SEPTIN14: variants seen among roughly 807,000 people sequenced by gnomAD.
The protein encoded by SEPTIN14 is septin 14, also known as septin-14.
Under a neutral mutation model 53.6 loss-of-function variants are expected in SEPTIN14, and 40 were observed. The observed-to-expected ratio is 0.75, with a 90% CI of 0.58 to 0.97. The LOEUF (loss-of-function observed/expected upper bound fraction) is 0.97. Among genes scored for constraint, SEPTIN14 ranks in the 50% least tolerant of loss-of-function variants. SEPTIN14 has a pLI of 0.00. For synonymous variants in SEPTIN14, 138 were observed against 166.8 expected (o/e 0.83, Z 1.33); for missense variants, 471 against 508.2 (o/e 0.93, Z 0.70).
At chr7:55,842,169 T>G (rs1789323098) in intron 5 of SEPTIN14, among the ~76,000 whole-genome samples, 1 of 152,216 alleles carries the variant, frequency 6.6e-6, no homozygotes, top group Admixed American at 6.5e-5. Context: ...ATAGCCTAGA[T>G]GTGTAGTAGG....
At chr7:55,802,022 C>T (rs374386440) in intron 9 of SEPTIN14, among the ~76,000 whole-genome samples, 18 of 137,600 alleles carry the variant, frequency 1.3e-4, no homozygotes, top group African/African-American at 4.6e-4. Flanking sequence ...TTCTATGAGA[C>T]GGAGTCTTGC....
chr7:55,836,645 G>A (rs945237911), intron 5 of SEPTIN14, among the ~76,000 whole-genome samples: 11 of 152,214 alleles, frequency 7.2e-5, no homozygotes, highest in African/African-American at 1.9e-4. Context: ...GGCTGAGGCA[G>A]GAGAATCGCT....
chr7:55,857,799 G>C (rs912410088), intron 2 of SEPTIN14, among the ~76,000 whole-genome samples: 2 of 151,192 alleles, frequency 1.3e-5, no homozygotes, highest in African/African-American at 2.5e-5. Flanking sequence ...GTGTTAGCCA[G>C]GATGGTCTCG....
intron 2 of SEPTIN14, among the ~76,000 whole-genome samples, chr7:55,847,246 A>G (rs1789430927): frequency 6.6e-6 from 1 of 152,094 alleles, no homozygotes; most frequent in Non-Finnish European, 1.5e-5. Flanking sequence ...AATTAAGGAA[A>G]TACTACAAGA....
In SEPTIN14 at chr7:55,795,862, AG is replaced by A; in HGVS notation, c.*50del. 2 of 1,274,774 alleles carry A rather than the reference AG, an allele frequency of 1.6e-6. No individual in the cohort carries two copies. Among genetic ancestry groups the A allele is most frequent in the Non-Finnish European group, 2.2e-6 (2 of 893,542 alleles). The allele number at this position is 1,274,774 out of a possible 1,614,324, so 79.0% of individuals were successfully genotyped here. On this transcript the variant is annotated 3_prime_UTR_variant, in exon 10 of 10. Transcript: ENST00000388975. ...TTAAATGCTACAAAGACAATCTCAC[AG>A]GAAGTTGCGATGTAGAATGATAGGG...
intron 2 of SEPTIN14, among the ~76,000 whole-genome samples, chr7:55,852,851 A>G (rs1006920602): frequency 1.3e-5 from 2 of 152,214 alleles, no homozygotes; most frequent in Non-Finnish European, 1.5e-5. Flanking sequence ...GAAAAAATCT[A>G]ATAATCCAAT....
intron 7 of SEPTIN14, among the ~76,000 whole-genome samples, chr7:55,818,131 A>G (rs10265539): frequency 0.029 from 4,417 of 152,246 alleles, 231 homozygotes; most frequent in African/African-American, 0.1. Context: ...TTAAGTTTTA[A>G]GTATGCTTAA....
intron 5 of SEPTIN14, among the ~76,000 whole-genome samples, chr7:55,842,681 G>A (rs1789333233): frequency 6.6e-6 from 1 of 151,610 alleles, no homozygotes; most frequent in Admixed American, 6.6e-5. Flanking sequence ...GGGAGGCCAA[G>A]GCGGGAGGAT....
At chr7:55,804,884 T>C (rs929010132) in intron 9 of SEPTIN14, among the ~76,000 whole-genome samples, 2 of 152,190 alleles carry the variant, frequency 1.3e-5, no homozygotes, top group African/African-American at 4.8e-5. Context: ...TAGTCAACAT[T>C]TGCTTTTTAT....
chr7:55,801,155 A>C (rs1455510153), intron 9 of SEPTIN14, among the ~76,000 whole-genome samples: 1 of 152,112 alleles, frequency 6.6e-6, no homozygotes. Context: ...AAGAAAAACA[A>C]ACCAAGCGCA....
intron 2 of SEPTIN14, among the ~76,000 whole-genome samples, chr7:55,857,988 GA>G (rs912487025): frequency 6.6e-6 from 1 of 151,346 alleles, no homozygotes; most frequent in South Asian, 2.1e-4. Context: ...ATAGGACTCT[GA>G]AAAAAAAATA....
At chr7:55,809,956 C>G (rs914684145) in intron 7 of SEPTIN14, among the ~76,000 whole-genome samples, 2 of 151,460 alleles carry the variant, frequency 1.3e-5, no homozygotes, top group African/African-American at 4.9e-5. Context: ...CCCCAGCCTC[C>G]CAAGTAGCTG....
At chr7:55,856,267 G>A (rs1427459612) in intron 2 of SEPTIN14, among the ~76,000 whole-genome samples, 5 of 152,120 alleles carry the variant, frequency 3.3e-5, no homozygotes, top group Non-Finnish European at 7.3e-5. Context: ...AGAACATGTG[G>A]TATTTGGTTT....
In SEPTIN14 at chr7:55,846,065, GTATATATATATATATATA is replaced by G. The variant is rs56306800; in HGVS notation, c.175+434_175+451del. Among the ~76,000 whole-genome samples, 6 of 39,758 alleles carry G rather than the reference GTATATATATATATATATA, an allele frequency of 1.5e-4. 1 individual carries two copies. The highest frequency in any genetic ancestry group is 2.6e-4 in the Non-Finnish European group (5 of 18,958). 26.1% of individuals were successfully genotyped at this position (39,758 alleles called of 152,430 possible). A position where few individuals can be genotyped will look rare whatever the true frequency, so the allele number is the denominator to read the frequency against. On this transcript the variant is annotated intron_variant, in intron 3 of 9. Coordinates refer to ENST00000388975, the MANE Select transcript of SEPTIN14 (RefSeq NM_207366.3). ...CTCCGTCTCAGAAAAAAAAAAAAAA[GTATATATATATATATATA>G]TATATATATGTATACATGCTAGCCC...
chr7:55,843,077 TTGAAG>T lies in SEPTIN14; in HGVS notation c.418_422del (p.Leu140ArgfsTer6). ...AGGAACGTTTAATCTTCAGTTCTTC[TTGAAG>T]ATAGGCCTCAAATTGGGCATCTATG... On this transcript the variant is annotated frameshift_variant, in exon 5 of 10. Transcript: ENST00000388975. LOFTEE classifies it high-confidence loss of function. 1.2e-6 allele frequency: 2 copies of T among 1,606,392 alleles called. No homozygotes were observed. Among genetic ancestry groups the T allele is most frequent in the Non-Finnish European group, 1.7e-6 (2 of 1,177,592 alleles).
chr7:55,806,153 A>G (rs1374946184), intron 8 of SEPTIN14, among the ~76,000 whole-genome samples: 4 of 151,638 alleles, frequency 2.6e-5, no homozygotes, highest in Non-Finnish European at 2.9e-5. Context: ...ACCCGCCACC[A>G]CGCCCAGCTA....
chr7:55,853,673 T>C (rs914933137), intron 2 of SEPTIN14, among the ~76,000 whole-genome samples: 6 of 152,182 alleles, frequency 3.9e-5, no homozygotes, highest in African/African-American at 1.2e-4. Context: ...AAGAGTACAA[T>C]TGAAATGTTT....
intron 5 of SEPTIN14, among the ~76,000 whole-genome samples, chr7:55,838,476 ACTTC>A (rs1789246655): frequency 7.3e-6 from 1 of 137,660 alleles, no homozygotes; most frequent in Admixed American, 7.2e-5. Flanking sequence ...CTTCTTTTTT[ACTTC>A]CTTCCCTCCT....
chr7:55,810,250 AT>A (rs1228630284), intron 7 of SEPTIN14, among the ~76,000 whole-genome samples: 1 of 151,372 alleles, frequency 6.6e-6, no homozygotes, highest in African/African-American at 2.4e-5. Flanking sequence ...TGCCATTTGT[AT>A]TTCTTCTTTT....
Sources: gnomAD v4.1 joint callset for allele counts (sites outside exome capture counted in the v4.1 genomes callset) on GRCh38, gnomAD v4.1.1 for gene constraint, MANE v1.5 for transcripts, NCBI Gene and HGNC (gene_info 2026-07-23, HGNC 2026-07-21) for gene names.